Variants in RLF observed in about 807,000 individuals in gnomAD.
The protein encoded by RLF is RLF zinc finger.
In RLF, 7 loss-of-function variants were observed where a neutral mutation model predicts 162.9. The observed-to-expected ratio is 0.04, with a 90% CI of 0.02 to 0.08. The LOEUF is 0.08. Among genes scored for constraint, RLF ranks in the 10% least tolerant of loss-of-function variants. The probability of loss-of-function intolerance (pLI) is 1.00; values close to 1 mark genes in which losing one functional copy is unlikely to be tolerated. For synonymous variants in RLF, 782 were observed against 791.5 expected (o/e 0.99, Z 0.20); for missense variants, 1,664 against 2,244.7 (o/e 0.74, Z 5.23).
rs1643280898 is a variant in RLF, at chr1:40,240,629, T to C, written c.*182T>C. The stretch of plus-strand genomic sequence containing the variant: ...CTGAGTCCATTAGCTCTCCAGTTGG[T>C]TTAATGATTGGGTTTATTTTTGTTT... On this transcript the variant is annotated 3_prime_UTR_variant, in exon 8 of 8. Coordinates refer to ENST00000372771, the MANE Select transcript of RLF (RefSeq NM_012421.4). 1.8e-6 allele frequency: 1 copy of C among 557,080 alleles called. No individual in the cohort carries two copies. Among genetic ancestry groups the C allele is most frequent in the Non-Finnish European group, 3.2e-6 (1 of 314,718 alleles). 34.5% of individuals were successfully genotyped at this position (557,080 alleles called of 1,614,324 possible). A position where few individuals can be genotyped will look rare whatever the true frequency, so the allele number is the denominator to read the frequency against.
intron 1 of RLF, among the ~76,000 whole-genome samples, chr1:40,171,423 T>G (rs1012948672): frequency 3.3e-5 from 5 of 152,222 alleles, no homozygotes; most frequent in Non-Finnish European, 5.9e-5. Flanking sequence ...GTTATAAGAA[T>G]TGTTATTGTA....
intron 2 of RLF, 81 bp from the exon 3 acceptor site, chr1:40,190,691 A>T (rs898814809): frequency 1.1e-6 from 1 of 904,886 alleles, no homozygotes; most frequent in Non-Finnish European, 1.7e-6. Context: ...ACAAATGTAA[A>T]ATAGATTTTT....
chr1:40,164,521 T>C (rs975221914), intron 1 of RLF, among the ~76,000 whole-genome samples: 3 of 152,222 alleles, frequency 2.0e-5, no homozygotes, highest in African/African-American at 7.2e-5. Context: ...TAAGTGACTA[T>C]GGGATGTGGT....
intron 7 of RLF, among the ~76,000 whole-genome samples, chr1:40,232,526 T>C (rs1484129258): frequency 1.3e-5 from 2 of 152,160 alleles, no homozygotes; most frequent in African/African-American, 4.8e-5. Flanking sequence ...CAAAGCTTAT[T>C]CTTATCGACA....
At position 40,207,245 on chromosome 1, in the gene RLF, G is replaced by C. The variant is rs139882567; in HGVS notation, c.810+4631G>C. 2.0e-4 allele frequency among the ~76,000 whole-genome samples: 31 copies of C among 152,294 alleles called. 1 individual carries two copies. The South Asian group carries it at 6.0e-3, about 29-fold the overall frequency. ...AATGAAAGGTATAGCCTCATCCCTTGATCTTTTGTTACTAGGATTTCTAGC... is the reference window on the plus strand; with the variant it reads ...AATGAAAGGTATAGCCTCATCCCTTCATCTTTTGTTACTAGGATTTCTAGC... On this transcript the variant is annotated intron_variant, in intron 5 of 7. Coordinates refer to ENST00000372771, the MANE Select transcript of RLF (RefSeq NM_012421.4).
chr1:40,183,826 G>A (rs1642438133), intron 1 of RLF, among the ~76,000 whole-genome samples: 1 of 152,104 alleles, frequency 6.6e-6, no homozygotes, highest in East Asian at 1.9e-4. Context: ...AGCTCATGGA[G>A]TTGTGCATAT....
intron 5 of RLF, among the ~76,000 whole-genome samples, chr1:40,206,403 A>G (rs1642795518): frequency 1.3e-5 from 2 of 152,208 alleles, no homozygotes; most frequent in African/African-American, 4.8e-5. Flanking sequence ...TTAAAGACAT[A>G]GGATAAGGAA....
chr1:40,236,294 A>G lies in RLF; in HGVS notation c.1592A>G (p.Gln531Arg), dbSNP rs768695375. 1.2e-6 allele frequency: 2 copies of G among 1,614,032 alleles called. No individual in the cohort carries two copies. Among genetic ancestry groups the G allele is most frequent in the Non-Finnish European group, 1.7e-6 (2 of 1,179,992 alleles). ...KQYRRRDLTD[Q>R]HKEKRDKKPI... Reference sequence around the variant, plus strand: ...TATAGAAGAAGAGATTTGACAGATCAGCATAAGGAGAAAAGAGACAAAAAA... The same window carrying G: ...TATAGAAGAAGAGATTTGACAGATCGGCATAAGGAGAAAAGAGACAAAAAA... The change falls in exon 8 of 8, where the codon CAG becomes CGG. Residue 531 changes from glutamine to arginine, a missense_variant. By Grantham distance (43) the Gln-to-Arg change is conservative. Coordinates refer to ENST00000372771, the MANE Select transcript of RLF (RefSeq NM_012421.4). This position sits in a 1 kb window ranked among gnomAD's most constrained non-coding sequence, Gnocchi z 7.7.
At chr1:40,200,891 C>T (rs868500049) in intron 4 of RLF, among the ~76,000 whole-genome samples, 2 of 109,318 alleles carry the variant, frequency 1.8e-5, no homozygotes, top group African/African-American at 9.0e-5. Flanking sequence ...CACACACACA[C>T]ACACACACAC....
At chr1:40,189,602 T>C (rs960378356) in intron 2 of RLF, among the ~76,000 whole-genome samples, 1 of 152,138 alleles carries the variant, frequency 6.6e-6, no homozygotes, top group Non-Finnish European at 1.5e-5. Flanking sequence ...TAGCAAAAAA[T>C]ATCAGGGTAC....
At chr1:40,208,994 G>A (rs1642834156) in intron 5 of RLF, among the ~76,000 whole-genome samples, 1 of 152,176 alleles carries the variant, frequency 6.6e-6, no homozygotes, top group South Asian at 2.1e-4. Context: ...TCATGTACAT[G>A]ATCCAACTCA....
chr1:40,235,740 A>G (rs1307291509), intron 7 of RLF, 52 bp from the exon 8 acceptor site: 3 of 1,330,678 alleles, frequency 2.3e-6, no homozygotes, highest in South Asian at 1.6e-5. Flanking sequence ...TGAAAGTTAT[A>G]TAATCTTTCT....
In RLF at chr1:40,205,834, G is replaced by A. The variant is rs182427226; in HGVS notation, c.810+3220G>A. Among the ~76,000 whole-genome samples the A allele has an allele frequency of 1.6e-3, 239 of 152,034 alleles. 1 individual carries two copies. Among genetic ancestry groups the A allele is most frequent in the African/African-American group, 5.5e-3 (228 of 41,458 alleles). Reference sequence around the variant, plus strand: ...ACATTCTAATATGACCTTTGCCCCTGGCAGTATACCATATCACTAAATCTA... The same window carrying A: ...ACATTCTAATATGACCTTTGCCCCTAGCAGTATACCATATCACTAAATCTA... On this transcript the variant is annotated intron_variant, in intron 5 of 7. Transcript: ENST00000372771.
intron 1 of RLF, among the ~76,000 whole-genome samples, chr1:40,169,653 T>G (rs1642214974): frequency 6.7e-6 from 1 of 150,200 alleles, no homozygotes; most frequent in Non-Finnish European, 1.5e-5. Context: ...AAATAAGTGC[T>G]TCTTGAAATA....
chr1:40,192,609 A>G (rs998051961), intron 3 of RLF, among the ~76,000 whole-genome samples: 3 of 152,148 alleles, frequency 2.0e-5, no homozygotes, highest in East Asian at 3.8e-4. Context: ...TTCCACTTGC[A>G]TAAGCTTTTT....
rs1459726815 is a variant in RLF, at chr1:40,161,704, CTG to C, written c.237+70_237+71del. 5 of 1,571,384 alleles carry C rather than the reference CTG, an allele frequency of 3.2e-6. No individual in the cohort carries two copies. Among genetic ancestry groups the C allele is most frequent in the Non-Finnish European group, 4.3e-6 (5 of 1,167,634 alleles). On this transcript the variant is annotated intron_variant, in intron 1 of 7. Coordinates refer to ENST00000372771, the MANE Select transcript of RLF (RefSeq NM_012421.4). This position sits in a 1 kb window ranked among gnomAD's most constrained non-coding sequence, Gnocchi z 4.4. ...GTCAGGGAAGGAGGCCCTGGATCCT[CTG>C]TAAGCAGCCGGGTCCAAACTGAAAG...
In RLF at chr1:40,161,651, G is replaced by A; in HGVS notation, c.237+15G>A. 1 of 1,606,618 alleles carries A rather than the reference G, an allele frequency of 6.2e-7. No individual in the cohort carries two copies. The highest frequency in any genetic ancestry group is 8.5e-7 in the Non-Finnish European group (1 of 1,177,788). ...GCTTCTGCCAGGTGAGGGGCTGACT[G>A]GCTGGCTGAGGGCGGCGGGGCGGGG... On this transcript the variant is annotated intron_variant, in intron 1 of 7. Coordinates refer to ENST00000372771, the MANE Select transcript of RLF (RefSeq NM_012421.4). The surrounding 1 kb of genome is among the most constrained non-coding windows in gnomAD (Gnocchi z 4.4).
chr1:40,200,295 G>T (rs994025943), intron 4 of RLF, among the ~76,000 whole-genome samples: 2 of 152,156 alleles, frequency 1.3e-5, no homozygotes, highest in Non-Finnish European at 2.9e-5. Flanking sequence ...GAGCAGTTTG[G>T]CAGTATGAGT....
intron 6 of RLF, among the ~76,000 whole-genome samples, chr1:40,225,918 G>T (rs1002428664): frequency 6.8e-6 from 1 of 147,488 alleles, no homozygotes; most frequent in Non-Finnish European, 1.5e-5. Flanking sequence ...GGATGGTAGT[G>T]GTACGCACCT....
Sources: allele counts gnomAD v4.1 joint callset (sites outside exome capture counted in the v4.1 genomes callset), GRCh38; gene constraint gnomAD v4.1.1; non-coding constraint Gnocchi (gnomAD v3.1); transcripts MANE v1.5; gene names NCBI Gene and HGNC (gene_info 2026-07-23, HGNC 2026-07-21).